OPRM1: variants seen among roughly 807,000 people sequenced by gnomAD.
OPRM1 encodes opioid receptor mu 1, also known as mu-type opioid receptor.
OPRM1 carries 27 observed loss-of-function variants against 31.8 expected under a neutral mutation model. The observed-to-expected ratio is 0.85, with a 90% CI of 0.63 to 1.17. OPRM1 has a LOEUF of 1.17. Ranked by LOEUF, OPRM1 falls within the 50% of genes most tolerant of loss-of-function variation. OPRM1 has a pLI of 0.00. For missense variants in OPRM1, 536 were observed against 511.1 expected, an observed-to-expected ratio of 1.05 and a Z score of -0.47; for synonymous variants, 196 against 189.9, an observed-to-expected ratio of 1.03 and a Z score of -0.26.
intron 3 of OPRM1, chr6:154,154,812 G>C (rs1050505174): frequency 5.9e-5 from 9 of 152,380 alleles, no homozygotes. Context: ...AGTTTAGAGG[G>C]GTAGCTGACA....
intron 3 of OPRM1, among the ~76,000 whole-genome samples, chr6:154,150,279 C>T (rs1001946826): frequency 6.6e-6 from 1 of 152,226 alleles, no homozygotes. Flanking sequence ...TATTAATAAC[C>T]TCTCCCTTGT....
In OPRM1 at chr6:154,168,242, A is replaced by G. The variant is rs1799593110; in HGVS notation, c.1164+76770A>G. 3.1e-6 allele frequency: 2 copies of G among 646,888 alleles called. No individual in the cohort carries two copies. Among genetic ancestry groups the G allele is most frequent in the Non-Finnish European group, 2.5e-6 (1 of 398,532 alleles). The allele number at this position is 646,888 out of a possible 1,614,324, so 40.1% of individuals were successfully genotyped here. On this transcript the variant is annotated intron_variant, in intron 3 of 3. Transcript: ENST00000337049. This position sits in a 1 kb window ranked among gnomAD's most constrained non-coding sequence, Gnocchi z 4.1. ...CATCTCAGACTTCTCTCCGGAACTG[A>G]AAGACAATAAATGTTTGCTGTCTAA...
At chr6:154,010,994 C>T in exon 1 of OPRM1, 1 of 1,291,850 alleles carries the variant, frequency 7.7e-7, no homozygotes, top group Non-Finnish European at 1.0e-6. Context: ...GCACAAGGCA[C>T]AATGCTGAAA....
intron 3 of OPRM1, among the ~76,000 whole-genome samples, chr6:154,141,115 ATT>A (rs974289277): frequency 2.0e-5 from 3 of 152,226 alleles, no homozygotes; most frequent in African/African-American, 7.2e-5. Flanking sequence ...GATGCAATAC[ATT>A]TAGCTATTCT....
At chr6:154,157,923 G>C (rs993604136) in intron 3 of OPRM1, 2 of 152,268 alleles carry the variant, frequency 1.3e-5, no homozygotes, top group African/African-American at 4.8e-5. Context: ...CTCTCTGTCA[G>C]GTCACCACAG....
intron 3 of OPRM1, among the ~76,000 whole-genome samples, chr6:154,161,797 T>C (rs1357921439): frequency 2.0e-5 from 3 of 152,208 alleles, no homozygotes; most frequent in African/African-American, 7.2e-5. Flanking sequence ...AATTCATGCA[T>C]GTGATTGAAC....
In OPRM1 at chr6:154,089,808, TCTTC is replaced by T; in HGVS notation, c.291-14_291-11del. 1 of 1,561,804 alleles carries T rather than the reference TCTTC, an allele frequency of 6.4e-7. No individual in the cohort carries two copies. Among genetic ancestry groups the T allele is most frequent in the Admixed American group, 1.7e-5 (1 of 58,466 alleles). The stretch of plus-strand genomic sequence containing the variant: ...AGTGTCTTTTACTGATTCTCACTCT[TCTTC>T]CTTTATCTCCTAGATACACCAAGAT... On this transcript the variant is annotated splice_polypyrimidine_tract_variant and intron_variant, in intron 1 of 3. Coordinates refer to ENST00000330432, the MANE Select transcript of OPRM1 (RefSeq NM_000914.5).
intron 3 of OPRM1, chr6:154,223,205 G>A: frequency 6.2e-7 from 1 of 1,613,748 alleles, no homozygotes; most frequent in Non-Finnish European, 8.5e-7. Flanking sequence ...TTTCCACAGT[G>A]AAATCAGGCA....
intron 1 of OPRM1, among the ~76,000 whole-genome samples, chr6:154,053,837 A>G (rs561156110): frequency 9.8e-5 from 15 of 152,356 alleles, no homozygotes; most frequent in East Asian, 3.9e-4. Context: ...ACTGGGTGAC[A>G]TAGAGTCCAC....
At chr6:154,207,632 G>T (rs1037600794) in intron 3 of OPRM1, among the ~76,000 whole-genome samples, 1 of 151,978 alleles carries the variant, frequency 6.6e-6, no homozygotes, top group Non-Finnish European at 1.5e-5. Flanking sequence ...TGAACTCTGG[G>T]GCTCAAGCCA....
rs147578243 is a variant in OPRM1, at chr6:154,215,752, T to C, written c.1165-30941T>C. On this transcript the variant is annotated intron_variant, in intron 3 of 3. Transcript: ENST00000337049. Reference sequence around the variant, plus strand: ...TAGTAGCCACTTAAAATTGGACCAATGAAGAGCCCAGATACGAAACAGGAA... The same window carrying C: ...TAGTAGCCACTTAAAATTGGACCAACGAAGAGCCCAGATACGAAACAGGAA... Among the ~76,000 whole-genome samples the C allele has an allele frequency of 6.9e-3, 1,048 of 152,146 alleles. 11 individuals carry two copies. Among genetic ancestry groups the C allele is most frequent in the Middle Eastern group, 0.024 (7 of 294 alleles).
chr6:154,214,053 T>C lies in OPRM1; in HGVS notation c.1165-32640T>C, dbSNP rs1395716611. 2.6e-5 allele frequency among the ~76,000 whole-genome samples: 4 copies of C among 152,260 alleles called. No individual in the cohort carries two copies. The East Asian group carries it at 7.7e-4, about 29-fold the overall frequency. ...GGAAGCTCTATTCCATGTTGGTGAG[T>C]CTGTGTGAATATGTCTGTCTCCACA... On this transcript the variant is annotated intron_variant, in intron 3 of 3. Transcript: ENST00000337049.
chr6:154,178,993 T>A (rs1382105216), intron 3 of OPRM1, among the ~76,000 whole-genome samples: 1 of 152,074 alleles, frequency 6.6e-6, no homozygotes, highest in Non-Finnish European at 1.5e-5. Context: ...ATCTAAGAGG[T>A]CTACAACATA....
chr6:154,036,709 TA>T (rs988698209), upstream of OPRM1, among the ~76,000 whole-genome samples: 8 of 152,092 alleles, frequency 5.3e-5, no homozygotes, highest in African/African-American at 1.7e-4. Flanking sequence ...ACTGTGTCAT[TA>T]AAAAAATCAC....
intron 3 of OPRM1, among the ~76,000 whole-genome samples, chr6:154,233,384 A>AC (rs1235903189): frequency 6.6e-6 from 1 of 152,212 alleles, no homozygotes; most frequent in Non-Finnish European, 1.5e-5. Context: ...TAGTAAACTT[A>AC]CCATATTCTT....
At chr6:154,062,187 C>T (rs114118317) in intron 1 of OPRM1, among the ~76,000 whole-genome samples, 2,384 of 152,002 alleles carry the variant, frequency 0.016, 55 homozygotes, top group African/African-American at 0.054. Context: ...TATAATTAAT[C>T]ATATGAAAAC....
At chr6:154,153,297 G>A (rs1265579505) in intron 3 of OPRM1, among the ~76,000 whole-genome samples, 1 of 152,060 alleles carries the variant, frequency 6.6e-6, no homozygotes, top group Non-Finnish European at 1.5e-5. Flanking sequence ...CTGTGTAGAC[G>A]TAACAAAGGG....
intron 3 of OPRM1, among the ~76,000 whole-genome samples, chr6:154,170,348 G>A (rs771390613): frequency 6.6e-6 from 1 of 152,162 alleles, no homozygotes; most frequent in Admixed American, 6.5e-5. Flanking sequence ...TCTCCATAGG[G>A]TGGAGAAAAG....
intron 3 of OPRM1, among the ~76,000 whole-genome samples, chr6:154,152,351 A>AGAAAGAAAGAAAG: frequency 7.1e-6 from 1 of 140,612 alleles, no homozygotes; most frequent in African/African-American, 2.8e-5. Flanking sequence ...AAGAAAGGAA[A>AGAAAGAAAGAAAG]GAAAGAAAGA....
Sources: gnomAD v4.1 joint callset for allele counts (sites outside exome capture counted in the v4.1 genomes callset) on GRCh38, gnomAD v4.1.1 for gene constraint, Gnocchi (gnomAD v3.1) non-coding constraint, MANE v1.5 for transcripts, NCBI Gene and HGNC (gene_info 2026-07-23, HGNC 2026-07-21) for gene names.